Variants in NALCN observed in about 807,000 individuals in gnomAD.
NALCN encodes the protein sodium leak channel NALCN.
NALCN carries 111 observed loss-of-function variants against 225.3 expected under a neutral mutation model. That is an observed-to-expected ratio of 0.49 (90% CI 0.42 to 0.58). NALCN has a LOEUF of 0.58. Ranked by LOEUF, NALCN falls within the 20% of genes least tolerant of loss-of-function variation. The pLI is 0.00. For missense variants in NALCN, 1,378 were observed against 2,202.4 expected (o/e 0.63, Z 7.49); for synonymous variants, 764 against 769.0 (o/e 0.99, Z 0.11).
At chr13:101,093,932 A>G (rs1022410344) in intron 28 of NALCN, among the ~76,000 whole-genome samples, 3 of 152,136 alleles carry the variant, frequency 2.0e-5, no homozygotes, top group African/African-American at 7.2e-5. Context: ...TTCTCACATG[A>G]CTGAGGTGGG....
intron 7 of NALCN, among the ~76,000 whole-genome samples, chr13:101,308,607 A>G (rs2044233174): frequency 6.6e-6 from 1 of 152,150 alleles, no homozygotes. Context: ...TACCCCAACT[A>G]TTACATAGAC....
rs990503711 is a variant in NALCN, at chr13:101,055,240, G to A, written c.*55C>T. On this transcript the variant is annotated 3_prime_UTR_variant, in exon 44 of 44. Coordinates refer to ENST00000251127, the MANE Select transcript of NALCN (RefSeq NM_052867.4). ...ACAGATTGCTCACTGGACAATCAAG[G>A]ACATTATTAGAAAACGGTTTCCACC... The A allele has an allele frequency of 2.2e-6, 3 of 1,387,940 alleles. No individual in the cohort carries two copies. Among genetic ancestry groups the A allele is most frequent in the Non-Finnish European group, 3.0e-6 (3 of 990,878 alleles). The allele number at this position is 1,387,940 out of a possible 1,614,324, so 86.0% of individuals were successfully genotyped here.
chr13:101,180,945 G>C, intron 14 of NALCN: 1 of 421,922 alleles, frequency 2.4e-6, no homozygotes, highest in Non-Finnish European at 4.6e-6. Flanking sequence ...AGAGCGGATG[G>C]GAAGGGCGGC....
intron 28 of NALCN, among the ~76,000 whole-genome samples, chr13:101,091,081 T>C (rs1029790440): frequency 6.6e-6 from 1 of 152,218 alleles, no homozygotes; most frequent in Admixed American, 6.5e-5. Context: ...AACATTTTTG[T>C]TGTTAATAGA....
At chr13:101,100,591 C>G (rs950887214) in intron 27 of NALCN, among the ~76,000 whole-genome samples, 193 bp downstream of exon 27, 3 of 152,118 alleles carry the variant, frequency 2.0e-5, no homozygotes, top group Non-Finnish European at 4.4e-5. Flanking sequence ...ATTTTGTTTT[C>G]TTTTTAGGGA....
intron 15 of NALCN, among the ~76,000 whole-genome samples, chr13:101,161,358 C>T (rs563168393): frequency 7.9e-5 from 12 of 152,348 alleles, no homozygotes; most frequent in African/African-American, 2.4e-4. Flanking sequence ...CCCCCAAATA[C>T]GGTTGTATGC....
chr13:101,399,567 C>T (rs2047407937), intron 1 of NALCN, among the ~76,000 whole-genome samples: 2 of 152,154 alleles, frequency 1.3e-5, no homozygotes, highest in African/African-American at 4.8e-5. Flanking sequence ...CACAGATCTT[C>T]CCCATGGTTT....
intron 11 of NALCN, among the ~76,000 whole-genome samples, chr13:101,246,433 T>C (rs1396593566): frequency 2.0e-5 from 3 of 152,188 alleles, no homozygotes; most frequent in Non-Finnish European, 4.4e-5. Context: ...TTCTCTTACA[T>C]GAAATTCAGA....
chr13:101,306,699 G>C (rs1381467175), intron 7 of NALCN, among the ~76,000 whole-genome samples: 3 of 152,194 alleles, frequency 2.0e-5, no homozygotes. Flanking sequence ...CTGTGGGTCA[G>C]GCTTGGCTCA....
rs1199819615 is a variant in NALCN at position 101,111,133 on chromosome 13, T to C, written c.2286A>G (p.Gln762=). ...SILSVQHHIR[Q]ERRSLRHGSN... is the part of the protein sequence containing the mutation. Reference sequence around the variant, plus strand: ...TCTTCCCAAGTATTTACCTGCGCTCTTGGCGGATATGATGCTGCACGCTGA... The same window carrying C: ...TCTTCCCAAGTATTTACCTGCGCTCCTGGCGGATATGATGCTGCACGCTGA... Residue 762 remains glutamine, a synonymous_variant, in exon 19 of 44, where the codon CAA becomes CAG. Coordinates refer to ENST00000251127, the MANE Select transcript of NALCN (RefSeq NM_052867.4). The C allele has an allele frequency of 3.1e-5, 50 of 1,606,284 alleles. No individual in the cohort carries two copies. Among genetic ancestry groups the C allele is most frequent in the Non-Finnish European group, 4.0e-5 (47 of 1,173,940 alleles).
At chr13:101,147,057 T>C (rs1051813761) in intron 15 of NALCN, among the ~76,000 whole-genome samples, 10 of 152,178 alleles carry the variant, frequency 6.6e-5, no homozygotes, top group Non-Finnish European at 1.2e-4. Flanking sequence ...GCATATTTTA[T>C]GAGAATTCAA....
Position 101,350,578 on chromosome 13 carries a change from T to C in NALCN, c.645-5158A>G, listed in dbSNP as rs1308607173. 3.3e-5 allele frequency among the ~76,000 whole-genome samples: 5 copies of C among 152,212 alleles called. No individual in the cohort carries two copies. In the East Asian group the frequency reaches 7.7e-4, roughly 23 times the overall value. ...TCTTCCAAACTCAACTGTTCCTTAG[T>C]GTAATTTCCAATTCCATGAAGTCCC... On this transcript the variant is annotated intron_variant, in intron 6 of 43. Transcript: ENST00000251127.
At chr13:101,256,540 T>C (rs1486593895) in intron 11 of NALCN, among the ~76,000 whole-genome samples, 2 of 152,190 alleles carry the variant, frequency 1.3e-5, no homozygotes, top group Non-Finnish European at 2.9e-5. Flanking sequence ...TCTTTAATGT[T>C]GCATTTGCTG....
intron 13 of NALCN, among the ~76,000 whole-genome samples, chr13:101,223,378 G>A (rs527353051): frequency 2.6e-5 from 4 of 152,188 alleles, no homozygotes; most frequent in African/African-American, 9.6e-5. Flanking sequence ...CAGTAAAAAG[G>A]GTTTGATTTC....
At chr13:101,257,105 T>C (rs2140211889) in intron 11 of NALCN, among the ~76,000 whole-genome samples, 1 of 152,244 alleles carries the variant, frequency 6.6e-6, no homozygotes, top group Non-Finnish European at 1.5e-5. Flanking sequence ...GTGTGCTGGA[T>C]TTTCAGCAAA....
intron 30 of NALCN, among the ~76,000 whole-genome samples, chr13:101,084,786 A>G (rs1204258373): frequency 6.6e-6 from 1 of 152,196 alleles, no homozygotes; most frequent in Non-Finnish European, 1.5e-5. Flanking sequence ...TCTCACAGTA[A>G]ATATCTATGA....
Position 101,321,144 on chromosome 13 carries a change from G to A in NALCN, c.799+24122C>T, listed in dbSNP as rs186040984. Among the ~76,000 whole-genome samples, 403 of 152,178 alleles carry A rather than the reference G, an allele frequency of 2.6e-3. 2 individuals carry two copies. Among genetic ancestry groups the A allele is most frequent in the African/African-American group, 8.7e-3 (363 of 41,546 alleles). ...GGCTTCTGTTTAGAATCCTATGTAC[G>A]ATTCTGAATTCTAGGCCTCCAGCAT... On this transcript the variant is annotated intron_variant, in intron 7 of 43. Coordinates refer to ENST00000251127, the MANE Select transcript of NALCN (RefSeq NM_052867.4).
chr13:101,087,830 T>C (rs1426013807), intron 30 of NALCN, among the ~76,000 whole-genome samples: 2 of 152,198 alleles, frequency 1.3e-5, no homozygotes, highest in Non-Finnish European at 2.9e-5. Context: ...TGTTGCTGAA[T>C]TGTGAGCTGT....
chr13:101,321,938 T>C (rs2044759918), intron 7 of NALCN, among the ~76,000 whole-genome samples: 1 of 152,184 alleles, frequency 6.6e-6, no homozygotes, highest in Non-Finnish European at 1.5e-5. Flanking sequence ...ATGTATTTCT[T>C]ATGTAATTGA....
Sources: allele counts gnomAD v4.1 joint callset (sites outside exome capture counted in the v4.1 genomes callset), GRCh38; gene constraint gnomAD v4.1.1; transcripts MANE v1.5; gene names NCBI Gene and HGNC (gene_info 2026-07-23, HGNC 2026-07-21).